SYNE3: variants seen among roughly 807,000 people sequenced by gnomAD.
The protein encoded by SYNE3 is nesprin-3.
Under a neutral mutation model 111.2 loss-of-function variants are expected in SYNE3, and 100 were observed. The ratio of observed to expected loss-of-function variants is 0.90; its 90% CI spans 0.77 to 1.06. The LOEUF is 1.06. Ranked by LOEUF, SYNE3 falls within the 50% of genes least tolerant of loss-of-function variation. The pLI, the probability that SYNE3 is intolerant of heterozygous loss-of-function variation, is 0.00. For synonymous variants in SYNE3, 547 were observed against 533.9 expected, an observed-to-expected ratio of 1.02 and a Z score of -0.34; for missense variants, 1,160 against 1,240.3, an observed-to-expected ratio of 0.94 and a Z score of 0.97.
chr14:95,432,493 C>T (rs1885835932), intron 16 of SYNE3, among the ~76,000 whole-genome samples: 1 of 152,198 alleles, frequency 6.6e-6, no homozygotes, highest in Admixed American at 6.5e-5. Flanking sequence ...CACCACCCTC[C>T]TCAGACTTAG....
rs554798908 is a variant in SYNE3, at chr14:95,500,020, C to T, written c.-15+16576G>A. Among the ~76,000 whole-genome samples, 234 of 152,144 alleles carry T rather than the reference C, an allele frequency of 1.5e-3. 1 individual carries two copies. The highest frequency in any genetic ancestry group is 3.5e-3 in the Admixed American group (53 of 15,290). ...GACTACAGGCACCTGCCACCACACC[C>T]GACTAATTTTTTTATTTTTAGTAGA... On this transcript the variant is annotated intron_variant, in intron 1 of 17. Coordinates refer to ENST00000682763, the MANE Select transcript of SYNE3 (RefSeq NM_152592.6). This position sits in a 1 kb window ranked among gnomAD's most constrained non-coding sequence, Gnocchi z 4.7.
intron 17 of SYNE3, among the ~76,000 whole-genome samples, chr14:95,421,167 T>A (rs1885100966): frequency 6.6e-6 from 1 of 152,092 alleles, no homozygotes; most frequent in Non-Finnish European, 1.5e-5. Context: ...AATTACCCAG[T>A]CTCGGGTATG....
At position 95,417,433 on chromosome 14, in the gene SYNE3, G is replaced by T. The variant is rs1903615726; in HGVS notation, c.*393C>A. 1 of 254,972 alleles carries T rather than the reference G, an allele frequency of 3.9e-6. No homozygotes were observed. The highest frequency in any genetic ancestry group is 4.8e-5 in the Admixed American group (1 of 20,810). 15.8% of individuals were successfully genotyped at this position (254,972 alleles called of 1,614,324 possible). On this transcript the variant is annotated 3_prime_UTR_variant, in exon 18 of 18. Coordinates refer to ENST00000682763, the MANE Select transcript of SYNE3 (RefSeq NM_152592.6). The stretch of plus-strand genomic sequence containing the variant: ...TTGGAGAAGAGGTTGCCATGAAAGT[G>T]ACATGTTATTGTTCTTGCTTTCTAG...
Position 95,439,982 on chromosome 14 carries a change from G to C in SYNE3, c.2005C>G (p.Gln669Glu), listed in dbSNP as rs1886319821. The change falls in exon 12 of 18, where the codon CAA (glutamine) becomes GAA (glutamate). Residue 669 changes from glutamine (Q) to glutamate (E), a missense_variant. Transcript: ENST00000682763. ...TCTCCCCGGTGTGCCTCCAGCTTTT[G>C]CGTGGTCACAACGATCCACTGCCGC... The part of the protein sequence containing the change: ...ELRQWIVVTT[Q>E]KLEAHRGEAG... 6.2e-7 allele frequency: 1 copy of C among 1,613,798 alleles called. No individual in the cohort carries two copies. Among genetic ancestry groups the C allele is most frequent in the South Asian group, 1.1e-5 (1 of 91,088 alleles).
chr14:95,445,029 C>T (rs112594450), intron 9 of SYNE3, among the ~76,000 whole-genome samples: 3,896 of 152,332 alleles, frequency 0.026, 160 homozygotes, highest in African/African-American at 0.089. Context: ...ACTGTCTGGC[C>T]CTTCACAGAA....
rs973341555 is a variant in SYNE3 at position 95,407,296 on chromosome 14, C to T, written c.*10530G>A. The T allele has an allele frequency of 6.6e-6, 1 of 152,152 alleles. No homozygotes were observed. Among genetic ancestry groups the T allele is most frequent in the Non-Finnish European group, 1.5e-5 (1 of 68,032 alleles). The allele number at this position is 152,152 out of a possible 1,614,324, so 9.4% of individuals were successfully genotyped here. ...TAGACCAAAATAGAGATTTTTATTTCCAAACACAAAGCAGATACATTTTTA... is the reference window on the plus strand; with the variant it reads ...TAGACCAAAATAGAGATTTTTATTTTCAAACACAAAGCAGATACATTTTTA... On this transcript the variant is annotated 3_prime_UTR_variant, in exon 18 of 18. Transcript: ENST00000682763.
intron 2 of SYNE3, among the ~76,000 whole-genome samples, chr14:95,471,521 C>T (rs575469104): frequency 9.1e-4 from 138 of 152,332 alleles, no homozygotes; most frequent in African/African-American, 3.1e-3. Context: ...CCCCCTTCCC[C>T]GACCTGGAGA....
At chr14:95,462,821 T>A (rs749813827) in intron 4 of SYNE3, among the ~76,000 whole-genome samples, 6 of 152,254 alleles carry the variant, frequency 3.9e-5, no homozygotes, top group Non-Finnish European at 8.8e-5. Flanking sequence ...CTTTTTCTAC[T>A]GGGCCGCTGG....
At chr14:95,422,070 C>T (rs1185518783) in intron 17 of SYNE3, among the ~76,000 whole-genome samples, 2 of 152,198 alleles carry the variant, frequency 1.3e-5, no homozygotes, top group Non-Finnish European at 2.9e-5. Context: ...GTATCCTCAG[C>T]AGTGCTCAGT....
At chr14:95,469,384 G>T (rs529143191) in intron 2 of SYNE3, among the ~76,000 whole-genome samples, 1 of 151,844 alleles carries the variant, frequency 6.6e-6, no homozygotes, top group East Asian at 1.9e-4. Flanking sequence ...ACCTCCCAGG[G>T]TTATAATATT....
intron 1 of SYNE3, among the ~76,000 whole-genome samples, chr14:95,492,474 C>A (rs1889895502): frequency 6.6e-6 from 1 of 152,158 alleles, no homozygotes; most frequent in South Asian, 2.1e-4. Context: ...TATAGAGAAA[C>A]CTTGGAAACG....
chr14:95,488,825 C>G (rs1028865724), intron 1 of SYNE3, among the ~76,000 whole-genome samples: 1 of 152,126 alleles, frequency 6.6e-6, no homozygotes, highest in Non-Finnish European at 1.5e-5. Flanking sequence ...AATTCCAATT[C>G]CTGCACGGCC....
chr14:95,418,812 C>T (rs2749472), intron 17 of SYNE3, among the ~76,000 whole-genome samples: 34,056 of 151,968 alleles, frequency 0.22, 4,048 homozygotes, highest in Middle Eastern at 0.26. Context: ...ACCATGTTGG[C>T]CATGCTGGTC....
At chr14:95,494,548 T>A (rs973485038) in intron 1 of SYNE3, among the ~76,000 whole-genome samples, 3 of 152,134 alleles carry the variant, frequency 2.0e-5, no homozygotes, top group Non-Finnish European at 4.4e-5. Flanking sequence ...CTGAGGGGAC[T>A]GAACAGCACA....
rs1903628592 is a variant in SYNE3 at position 95,417,808 on chromosome 14, C to T, written c.*18G>A. On this transcript the variant is annotated 3_prime_UTR_variant, in exon 18 of 18. Coordinates refer to ENST00000682763, the MANE Select transcript of SYNE3 (RefSeq NM_152592.6). ...TGATGGAGGTTGGAGGAGAAAGTCA[C>T]CTGTGTGCCCCAGTGGGTTAGGTGG... The T allele has an allele frequency of 1.9e-6, 3 of 1,613,862 alleles. No individual in the cohort carries two copies. Among genetic ancestry groups the T allele is most frequent in the Non-Finnish European group, 2.5e-6 (3 of 1,179,858 alleles).
chr14:95,509,777 A>C (rs992066058), intron 1 of SYNE3, among the ~76,000 whole-genome samples: 1 of 152,230 alleles, frequency 6.6e-6, no homozygotes, highest in Non-Finnish European at 1.5e-5. Context: ...TGTTCTGTCC[A>C]TGCCTTGGTG....
Position 95,412,752 on chromosome 14 carries a change from C to T in SYNE3, c.*5074G>A, listed in dbSNP as rs1903467759. Reference sequence around the variant, plus strand: ...AGCAATCCTCAAGCTGCTCTCTTCTCCCAACCATCTCCTGGGTTCCCAAAC... The same window carrying T: ...AGCAATCCTCAAGCTGCTCTCTTCTTCCAACCATCTCCTGGGTTCCCAAAC... On this transcript the variant is annotated 3_prime_UTR_variant, in exon 18 of 18. Transcript: ENST00000682763. The T allele has an allele frequency of 6.6e-6, 1 of 152,272 alleles. No individual in the cohort carries two copies. Among genetic ancestry groups the T allele is most frequent in the Non-Finnish European group, 1.5e-5 (1 of 68,064 alleles). The allele number at this position is 152,272 out of a possible 1,614,324, so 9.4% of individuals were successfully genotyped here. A position where few individuals can be genotyped will look rare whatever the true frequency, so the allele number is the denominator to read the frequency against.
In SYNE3 at chr14:95,455,674, C is replaced by T; in HGVS notation, c.840G>A (p.Glu280=). 1 of 1,614,204 alleles carries T rather than the reference C, an allele frequency of 6.2e-7. No individual in the cohort carries two copies. Among genetic ancestry groups the T allele is most frequent in the Non-Finnish European group, 8.5e-7 (1 of 1,180,044 alleles). ...PRGEESLETL[E]EQSAGVIRNT... ...TCCGAATGACACCCGCAGACTGCTC[C>T]TCCAGCGTCTCCAGAGACTCCTCGC... The change falls in exon 6 of 18, where the codon GAG becomes GAA. Residue 280 remains glutamate, a synonymous_variant. Coordinates refer to ENST00000682763, the MANE Select transcript of SYNE3 (RefSeq NM_152592.6).
intron 2 of SYNE3, among the ~76,000 whole-genome samples, chr14:95,469,130 G>A (rs545515632): frequency 2.6e-5 from 4 of 152,206 alleles, no homozygotes; most frequent in African/African-American, 9.6e-5. Context: ...CTAACAGCAG[G>A]CATGGCCTAA....
Sources: gnomAD v4.1 joint callset for allele counts (sites outside exome capture counted in the v4.1 genomes callset) on GRCh38, gnomAD v4.1.1 for gene constraint, Gnocchi (gnomAD v3.1) non-coding constraint, MANE v1.5 for transcripts, NCBI Gene and HGNC (gene_info 2026-07-23, HGNC 2026-07-21) for gene names.